Variants in TPR observed in about 807,000 individuals in gnomAD.
The protein encoded by TPR is nucleoprotein TPR.
In TPR, 51 loss-of-function variants were observed where a neutral mutation model predicts 316.1. The observed-to-expected ratio is 0.16, with a 90% confidence interval of 0.13 to 0.20. TPR has a LOEUF of 0.20. TPR is among the 10% of genes least tolerant of loss of function. TPR has a pLI of 1.00. For synonymous variants in TPR, 981 were observed against 914.7 expected (o/e 1.07, Z -1.31); for missense variants, 2,272 against 2,754.8 (o/e 0.82, Z 3.92).
At chr1:186,334,735 T>G (rs1309183614) in intron 35 of TPR, among the ~76,000 whole-genome samples, 3 of 152,120 alleles carry the variant, frequency 2.0e-5, no homozygotes, top group African/African-American at 7.2e-5. Flanking sequence ...TGTATCTAGC[T>G]GTTGAATTGC....
rs1207207679 is a variant in TPR at position 186,345,649 on chromosome 1, T to C, written c.3144A>G (p.Gln1048=). 1 of 1,613,520 alleles carries C rather than the reference T, an allele frequency of 6.2e-7. No homozygotes were observed. Among genetic ancestry groups the C allele is most frequent in the Non-Finnish European group, 8.5e-7 (1 of 1,179,764 alleles). The change falls in exon 24 of 51, where the codon CAA becomes CAG. Residue 1048 remains glutamine (Q), a synonymous_variant. Coordinates refer to ENST00000367478, the MANE Select transcript of TPR (RefSeq NM_003292.3). ...CTGTGCTTGCTCTCTGAAGAGCTTC[T>C]TGTACTTCATTCTGAACACTAGAAA... ...KTLSSVQNEV[Q]EALQRASTAL...
rs773865079 is a variant in TPR, at chr1:186,335,470, A to G, written c.4779T>C (p.Asp1593=). The change falls in exon 34 of 51, where the codon GAT becomes GAC. Residue 1593 remains aspartate (D), a synonymous_variant. Coordinates refer to ENST00000367478, the MANE Select transcript of TPR (RefSeq NM_003292.3). ...QRNGALDQQK[D]ELDVRITALK... is the part of the protein sequence containing the mutation. The stretch of plus-strand genomic sequence containing the variant: ...GCGCAGTAATGCGAACATCCAATTC[A>G]TCTTTCTGCTGATCTAAGGCTCCAT... 28 of 1,613,496 alleles carry G rather than the reference A, an allele frequency of 1.7e-5. No individual in the cohort carries two copies. Among genetic ancestry groups the G allele is most frequent in the Non-Finnish European group, 2.4e-5 (28 of 1,179,702 alleles).
At chr1:186,342,548 A>G (rs1016607434) in intron 27 of TPR, 1 of 152,212 alleles carries the variant, frequency 6.6e-6, no homozygotes, top group East Asian at 1.9e-4. Context: ...TAAACAGGAT[A>G]TAATTCTGGA....
At chr1:186,314,310 A>G (rs1657508600) in intron 50 of TPR, 1 of 402,504 alleles carries the variant, frequency 2.5e-6, no homozygotes, top group African/African-American at 2.0e-5. Context: ...AAAAAAATTA[A>G]CAATATAATG....
chr1:186,355,117 C>G (rs1226117308), intron 17 of TPR, among the ~76,000 whole-genome samples: 1 of 152,090 alleles, frequency 6.6e-6, no homozygotes, highest in Non-Finnish European at 1.5e-5. Context: ...GGTGGCCAGG[C>G]TGGTCTTGAA....
Position 186,338,164 on chromosome 1 carries a change from C to T in TPR, c.4231G>A (p.Glu1411Lys), listed in dbSNP as rs753412539. 1 of 1,612,882 alleles carries T rather than the reference C, an allele frequency of 6.2e-7. No individual in the cohort carries two copies. The highest frequency in any genetic ancestry group is 2.2e-5 in the East Asian group (1 of 44,700). ...EDLNKVRTEK[E>K]TIQKDLDAKI... is the part of the protein sequence containing the mutation. ...GCATCTAAGTCCTTCTGGATGGTTT[C>T]CTTTTCAGTTCTTACTTTATTTAGA... is the stretch of plus-strand genomic sequence containing the variant. Residue 1411 changes from glutamate (E) to lysine (K), a missense_variant, in exon 31 of 51, where the codon GAA (glutamate) becomes AAA (lysine). Glu to Lys is a moderately conservative substitution (Grantham distance 56). Around this residue, in one of 10 missense-constraint regions of TPR, gnomAD observed 96 missense variants for 134.6 expected, o/e 0.71. Coordinates refer to ENST00000367478, the MANE Select transcript of TPR (RefSeq NM_003292.3).
In TPR at chr1:186,339,728, C is replaced by T; in HGVS notation, c.4065G>A (p.Arg1355=). 1.2e-6 allele frequency: 2 copies of T among 1,604,986 alleles called. No homozygotes were observed. Among genetic ancestry groups the T allele is most frequent in the East Asian group, 4.5e-5 (2 of 44,272 alleles). ...GAACTTCCTTTTCAGAAAGGAGCTT[C>T]CGATATTCTTCTGTATCTGGATCTT... ...QQKDPDTEEY[R]KLLSEKEVHT... The change falls in exon 30 of 51, where the codon CGG becomes CGA. Residue 1355 remains arginine (R), a synonymous_variant. Transcript: ENST00000367478.
intron 39 of TPR, 31 bp downstream of exon 39, chr1:186,331,467 G>A (rs748146601): frequency 1.7e-5 from 25 of 1,482,436 alleles, no homozygotes; most frequent in East Asian, 2.3e-5. Flanking sequence ...GAAAAGCAAC[G>A]GTGTGGTACT....
chr1:186,362,959 T>G lies in TPR; in HGVS notation c.574A>C (p.Ser192Arg). The G allele has an allele frequency of 6.2e-7, 1 of 1,607,770 alleles. No individual in the cohort carries two copies. Residue 192 changes from serine (S) to arginine (R), a missense_variant, in exon 6 of 51, where the codon AGT becomes CGT. Physicochemically the swap from Ser to Arg is moderately radical, Grantham distance 110 (BLOSUM62 -1). Around this residue, in one of 10 missense-constraint regions of TPR, gnomAD observed 549 missense variants for 598.6 expected, o/e 0.92. Coordinates refer to ENST00000367478, the MANE Select transcript of TPR (RefSeq NM_003292.3). ...TCTGTATTCAGCCATGTATTCTGAC[T>G]ATGTAGCAATTCCTTTTCTTGCTCC... ...RLEQEKELLH[S>R]QNTWLNTELK...
At chr1:186,363,552 C>T in intron 4 of TPR, 107 bp from the exon 5 acceptor site, 2 of 699,250 alleles carry the variant, frequency 2.9e-6, no homozygotes, top group Non-Finnish European at 4.7e-6. Context: ...AAAGTATGCA[C>T]AGCTGGCCCT....
chr1:186,350,640 A>G (rs1235896155), intron 20 of TPR, among the ~76,000 whole-genome samples: 1 of 152,150 alleles, frequency 6.6e-6, no homozygotes, highest in Non-Finnish European at 1.5e-5. Flanking sequence ...ATGACACAGG[A>G]AAGAGGAAAT....
rs1458180288 is a variant in TPR, at chr1:186,346,150, C to G, written c.3081G>C (p.Glu1027Asp). The change falls in exon 23 of 51, where the codon GAG becomes GAC. Residue 1027 changes from glutamate (E) to aspartate (D), a missense_variant. Glu to Asp is a conservative substitution (Grantham distance 45). This residue lies in a region of TPR where 757 missense variants were observed against 859.8 expected (regional missense o/e 0.88). Transcript: ENST00000367478. Reference protein sequence around the residue: ...ELQDDKRRAIESMEQQLSELK... With the variant: ...ELQDDKRRAIDSMEQQLSELK... ...ACCTATTTACCTGTTGTTCCATGCT[C>G]TCTATGGCTCTTCTTTTATCATCCT... 1.9e-5 allele frequency: 31 copies of G among 1,612,036 alleles called. No individual in the cohort carries two copies. Among genetic ancestry groups the G allele is most frequent in the Non-Finnish European group, 2.5e-5 (30 of 1,179,206 alleles).
intron 27 of TPR, 65 bp downstream of exon 27, chr1:186,343,261 A>G: frequency 6.5e-7 from 1 of 1,530,696 alleles, no homozygotes; most frequent in Non-Finnish European, 8.8e-7. Flanking sequence ...GTTAAATGGT[A>G]GAGATATAAA....
At chr1:186,365,548 G>A (rs1181349434) in intron 4 of TPR, among the ~76,000 whole-genome samples, 3 of 152,060 alleles carry the variant, frequency 2.0e-5, no homozygotes, top group South Asian at 2.1e-4. Context: ...GGACCTTTAC[G>A]GCTCAATAGA....
At chr1:186,371,347 T>C (rs1214792468) in intron 2 of TPR, among the ~76,000 whole-genome samples, 2 of 152,138 alleles carry the variant, frequency 1.3e-5, no homozygotes, top group Non-Finnish European at 2.9e-5. Flanking sequence ...TAAGTCAACA[T>C]ATATCATAAG....
intron 39 of TPR, among the ~76,000 whole-genome samples, chr1:186,328,286 G>A (rs772733040): frequency 6.6e-6 from 1 of 152,040 alleles, no homozygotes; most frequent in African/African-American, 2.4e-5. Flanking sequence ...TGTGAGACAG[G>A]AATATGTCAT....
chr1:186,367,878 C>T lies in TPR; in HGVS notation c.427+8G>A, dbSNP rs1468978241. On this transcript the variant is annotated splice_region_variant and intron_variant, in intron 4 of 50. Transcript: ENST00000367478. ...ATGGAGCTAAAAGCTACAAGCACTT[C>T]TTCATACCTGTTAAGTATTCAAGTT... 1 of 1,592,828 alleles carries T rather than the reference C, an allele frequency of 6.3e-7. No homozygotes were observed. Among genetic ancestry groups the T allele is most frequent in the Admixed American group, 1.7e-5 (1 of 59,826 alleles).
chr1:186,348,218 C>T (rs963440629), intron 21 of TPR, among the ~76,000 whole-genome samples: 1 of 152,040 alleles, frequency 6.6e-6, no homozygotes, highest in African/African-American at 2.4e-5. Context: ...AATATTAATA[C>T]CCTGGGAAAA....
rs201045729 is a variant in TPR at position 186,340,991 on chromosome 1, T to C, written c.4020+37A>G. ...AGTTTCCCCTATTATTAAAAACACG[T>C]GTTTCCATGTTTTGGAAGAGTTTTA... On this transcript the variant is annotated intron_variant, in intron 29 of 50. Coordinates refer to ENST00000367478, the MANE Select transcript of TPR (RefSeq NM_003292.3). 3.5e-5 allele frequency: 56 copies of C among 1,590,842 alleles called. 1 individual carries two copies. In the Middle Eastern group the frequency reaches 2.0e-3, roughly 57 times the overall value.
Sources: allele counts gnomAD v4.1 joint callset (sites outside exome capture counted in the v4.1 genomes callset), GRCh38; gene constraint gnomAD v4.1.1; regional missense constraint gnomAD v4.1.1; transcripts MANE v1.5; gene names NCBI Gene and HGNC (gene_info 2026-07-23, HGNC 2026-07-21).